SLCO1A2: variants seen among roughly 807,000 people sequenced by gnomAD.
SLCO1A2 encodes OATP-1.
In SLCO1A2, 67 loss-of-function variants were observed where a neutral mutation model predicts 69.0. The ratio of observed to expected loss-of-function variants is 0.97; its 90% CI spans 0.80 to 1.19. The LOEUF (loss-of-function observed/expected upper bound fraction) is 1.19, where lower values mean the gene tolerates loss of function less well. Ranked by LOEUF, SLCO1A2 falls within the 50% of genes most tolerant of loss-of-function variation. The pLI is 0.00. For synonymous variants in SLCO1A2, 260 were observed against 265.9 expected, an observed-to-expected ratio of 0.98 and a Z score of 0.22; for missense variants, 787 against 793.7, an observed-to-expected ratio of 0.99 and a Z score of 0.10.
At chr12:21,358,970 T>C (rs755251525) in intron 2 of SLCO1A2, among the ~76,000 whole-genome samples, 5 of 152,146 alleles carry the variant, frequency 3.3e-5, no homozygotes, top group Admixed American at 6.5e-5. Flanking sequence ...ATTTGGAAGG[T>C]GGCAAAAGAC....
intron 1 of SLCO1A2, among the ~76,000 whole-genome samples, chr12:21,416,510 C>A (rs1358584514): frequency 6.6e-6 from 1 of 151,920 alleles, no homozygotes; most frequent in Non-Finnish European, 1.5e-5. Context: ...TGTAATTCCC[C>A]AAACTTGAGA....
chr12:21,299,342 T>C (rs1384633236), intron 8 of SLCO1A2, among the ~76,000 whole-genome samples: 1 of 151,898 alleles, frequency 6.6e-6, no homozygotes, highest in Admixed American at 6.6e-5. Flanking sequence ...CTGTAAATTA[T>C]ACTTTGAGCT....
chr12:21,285,833 A>G (rs962039185), intron 12 of SLCO1A2, among the ~76,000 whole-genome samples: 4 of 152,112 alleles, frequency 2.6e-5, no homozygotes, highest in Admixed American at 2.0e-4. Flanking sequence ...AACTCTCAAT[A>G]AATTAGGTAT....
intron 10 of SLCO1A2, 108 bp from the exon 11 acceptor site, chr12:21,294,218 A>G (rs143986177): frequency 1.1e-6 from 1 of 910,076 alleles, no homozygotes; most frequent in East Asian, 2.9e-5. Flanking sequence ...CATGAATAGA[A>G]AGAGAAATTT....
intron 2 of SLCO1A2, among the ~76,000 whole-genome samples, chr12:21,368,846 T>C (rs1025689073): frequency 5.3e-5 from 8 of 152,108 alleles, no homozygotes; most frequent in African/African-American, 1.2e-4. Flanking sequence ...TATTTTACGA[T>C]AGTGATAGAG....
In SLCO1A2 at chr12:21,303,654, GAAT is replaced by G. The variant is rs558439464; in HGVS notation, c.589+770_589+772del. On this transcript the variant is annotated intron_variant, in intron 6 of 14. Coordinates refer to ENST00000683939, the MANE Select transcript of SLCO1A2 (RefSeq NM_001386879.1). ...AAGCAAGTCGTGCATAATAAATTAA[GAAT>G]ATTTCAGAGATTGGAAGGCAGCACA... Among the ~76,000 whole-genome samples, 765 of 152,262 alleles carry G rather than the reference GAAT, an allele frequency of 5.0e-3. 3 individuals carry two copies. The highest frequency in any genetic ancestry group is 8.2e-3 in the Admixed American group (125 of 15,290).
intron 1 of SLCO1A2, among the ~76,000 whole-genome samples, chr12:21,387,797 C>G (rs186643078): frequency 9.4e-4 from 143 of 152,234 alleles, no homozygotes; most frequent in African/African-American, 3.2e-3. Context: ...AATGGTAGAT[C>G]CACCGACAGC....
At chr12:21,355,878 A>C (rs1938325244) in intron 2 of SLCO1A2, among the ~76,000 whole-genome samples, 4 of 152,208 alleles carry the variant, frequency 2.6e-5, no homozygotes. Context: ...ATTAACCAAA[A>C]AAGGCTACTT....
intron 12 of SLCO1A2, among the ~76,000 whole-genome samples, chr12:21,280,227 T>C (rs1043174211): frequency 1.3e-5 from 2 of 152,088 alleles, no homozygotes; most frequent in African/African-American, 4.8e-5. Flanking sequence ...CAGTAAGACC[T>C]TTCTTACGAA....
chr12:21,319,309 G>C, intron 2 of SLCO1A2: 1 of 1,345,208 alleles, frequency 7.4e-7, no homozygotes, highest in Non-Finnish European at 1.0e-6. Flanking sequence ...ATTATACAAA[G>C]ACATTATTTC....
chr12:21,334,093 A>C (rs533037240), intron 2 of SLCO1A2, among the ~76,000 whole-genome samples: 30 of 151,452 alleles, frequency 2.0e-4, no homozygotes, highest in Non-Finnish European at 1.2e-4. Flanking sequence ...CTGAAATAGA[A>C]AAAAAAATCA....
In SLCO1A2 at chr12:21,319,592, T is replaced by C. The variant is rs1591838753; in HGVS notation, c.61-669A>G. 6 of 607,406 alleles carry C rather than the reference T, an allele frequency of 9.9e-6. No individual in the cohort carries two copies. The East Asian group carries it at 4.0e-4, about 40-fold the overall frequency. 37.6% of individuals were successfully genotyped at this position (607,406 alleles called of 1,614,324 possible). On this transcript the variant is annotated intron_variant, in intron 2 of 14. Coordinates refer to ENST00000683939, the MANE Select transcript of SLCO1A2 (RefSeq NM_001386879.1). ...CAGGGTTTCTCAGCTGCAGTGTAAA[T>C]GGAGGACCACACAAAAATGAGACTC...
At chr12:21,386,614 G>GC (rs892676523) in intron 1 of SLCO1A2, among the ~76,000 whole-genome samples, 49 of 152,014 alleles carry the variant, frequency 3.2e-4, no homozygotes, top group South Asian at 1.0e-3. Context: ...TGATTGTGTG[G>GC]CCCCCCCAGC....
chr12:21,359,781 C>G (rs187262970), intron 2 of SLCO1A2, among the ~76,000 whole-genome samples: 23 of 152,124 alleles, frequency 1.5e-4, no homozygotes, highest in Admixed American at 4.6e-4. Flanking sequence ...CTTCTTACCT[C>G]TCCTTACATA....
At position 21,301,187 on chromosome 12, in the gene SLCO1A2, A is replaced by G; in HGVS notation, c.672T>C (p.Thr224=). 1 of 1,609,884 alleles carries G rather than the reference A, an allele frequency of 6.2e-7. No homozygotes were observed. Among genetic ancestry groups the G allele is most frequent in the Non-Finnish European group, 8.5e-7 (1 of 1,176,908 alleles). The change falls in exon 7 of 15, where the codon ACT becomes ACC. Residue 224 remains threonine, a synonymous_variant. Coordinates refer to ENST00000683939, the MANE Select transcript of SLCO1A2 (RefSeq NM_001386879.1). Reference sequence around the variant, plus strand: ...TTGAATTACCTGTGTTCACAAATCCAGTGTCAACATAAACATTTGCACAGA... The same window carrying G: ...TTGAATTACCTGTGTTCACAAATCCGGTGTCAACATAAACATTTGCACAGA... ...ASFCANVYVD[T]GFVNTDDLII...
At chr12:21,388,488 T>A (rs1940997948) in intron 1 of SLCO1A2, among the ~76,000 whole-genome samples, 1 of 152,142 alleles carries the variant, frequency 6.6e-6, no homozygotes, top group South Asian at 2.1e-4. Flanking sequence ...TTTGTACTTT[T>A]CTCTTGCCTG....
At chr12:21,351,461 A>G (rs952615048) in intron 2 of SLCO1A2, among the ~76,000 whole-genome samples, 3 of 152,158 alleles carry the variant, frequency 2.0e-5, no homozygotes, top group Non-Finnish European at 2.9e-5. Flanking sequence ...TAGATGCCTT[A>G]TAATACTTAT....
intron 6 of SLCO1A2, 30 bp from the exon 7 acceptor site, chr12:21,301,299 G>T: frequency 6.8e-7 from 1 of 1,480,890 alleles, no homozygotes; most frequent in African/African-American, 1.4e-5. Context: ...TAAGGTTATA[G>T]TACAGTTATA....
Position 21,405,502 on chromosome 12 carries a change from G to C in SLCO1A2, c.-312+12380C>G, listed in dbSNP as rs116941431. On this transcript the variant is annotated intron_variant, in intron 1 of 4. Transcript: ENST00000413682. Reference sequence around the variant, plus strand: ...CTAAGCAAAAAGAACAAAGCTTCAGGCATCATGATACCCAAACTTCAAACT... The same window carrying C: ...CTAAGCAAAAAGAACAAAGCTTCAGCCATCATGATACCCAAACTTCAAACT... Among the ~76,000 whole-genome samples, 1,110 of 152,184 alleles carry C rather than the reference G, an allele frequency of 7.3e-3. 6 individuals are homozygous for C. The highest frequency in any genetic ancestry group is 0.017 in the Middle Eastern group (5 of 294).
Sources: allele counts gnomAD v4.1 joint callset (sites outside exome capture counted in the v4.1 genomes callset), GRCh38; gene constraint gnomAD v4.1.1; transcripts MANE v1.5; gene names NCBI Gene and HGNC (gene_info 2026-07-23, HGNC 2026-07-21).